The following RRAS2 variants were observed in gnomAD, a reference collection of about 807,000 sequenced individuals.
RRAS2 encodes ras-related protein R-Ras2.
Under a neutral mutation model 27.6 loss-of-function variants are expected in RRAS2, and 7 were observed. That is an observed-to-expected ratio of 0.25 (90% CI 0.14 to 0.48). The LOEUF (loss-of-function observed/expected upper bound fraction) is 0.48, where lower values mean the gene tolerates loss of function less well. Among genes scored for constraint, RRAS2 ranks in the 20% least tolerant of loss-of-function variants. The probability of loss-of-function intolerance (pLI) is 0.99; values close to 1 mark genes in which losing one functional copy is unlikely to be tolerated. For synonymous variants in RRAS2, 86 were observed against 90.9 expected (o/e 0.95, Z 0.31); for missense variants, 178 against 256.2 (o/e 0.69, Z 2.08).
intron 1 of RRAS2, among the ~76,000 whole-genome samples, chr11:14,331,673 TAAAAAAAA>T (rs80130992): frequency 2.5e-5 from 2 of 81,600 alleles, no homozygotes; most frequent in South Asian, 4.0e-4. Context: ...CCCCAACTCT[TAAAAAAAA>T]AAAAAAAAAA....
intron 1 of RRAS2, among the ~76,000 whole-genome samples, chr11:14,317,624 C>T (rs1848138454): frequency 6.6e-6 from 1 of 152,188 alleles, no homozygotes; most frequent in Non-Finnish European, 1.5e-5. Flanking sequence ...TTCATATTGA[C>T]ATTTCACTAA....
rs184246401 is a variant in RRAS2, at chr11:14,348,386, G to C, written c.108+10377C>G. ...ACTACTCTCAAACTTTCACATACTA[G>C]TTTTAACATCCATTTTTACCCACTT... is the stretch of plus-strand genomic sequence containing the variant. On this transcript the variant is annotated intron_variant, in intron 1 of 5. Coordinates refer to ENST00000256196, the MANE Select transcript of RRAS2 (RefSeq NM_012250.6). 2.0e-3 allele frequency among the ~76,000 whole-genome samples: 305 copies of C among 152,174 alleles called. 1 individual carries two copies. Among genetic ancestry groups the C allele is most frequent in the African/African-American group, 7.0e-3 (289 of 41,516 alleles).
In RRAS2 at chr11:14,279,433, T is replaced by TA. The variant is rs782709540; in HGVS notation, c.528-10dup. ...CCTGCTCTTGAAATTTCCTGTAAGA[T>TA]AAAAAATTCTAAAATATAATTGCCT... On this transcript the variant is annotated splice_polypyrimidine_tract_variant and intron_variant, in intron 5 of 5. Coordinates refer to ENST00000256196, the MANE Select transcript of RRAS2 (RefSeq NM_012250.6). The TA allele has an allele frequency of 2.5e-6, 4 of 1,575,626 alleles. No homozygotes were observed. Among genetic ancestry groups the TA allele is most frequent in the East Asian group, 2.2e-5 (1 of 44,700 alleles).
chr11:14,295,947 AG>A, intron 1 of RRAS2, 92 bp from the exon 2 acceptor site: 1 of 1,159,422 alleles, frequency 8.6e-7, no homozygotes, highest in Non-Finnish European at 1.2e-6. Flanking sequence ...CCGAGGGAGA[AG>A]GATCACTTGA....
chr11:14,279,592 G>A (rs1340798414), intron 5 of RRAS2, among the ~76,000 whole-genome samples, 168 bp from the exon 6 acceptor site: 7 of 152,056 alleles, frequency 4.6e-5, no homozygotes, highest in Non-Finnish European at 8.8e-5. Context: ...GGGCACAAAC[G>A]CGTCAACACC....
At chr11:14,287,990 T>C (rs1297711194) in intron 4 of RRAS2, among the ~76,000 whole-genome samples, 4 of 152,186 alleles carry the variant, frequency 2.6e-5, no homozygotes, top group Non-Finnish European at 5.9e-5. Flanking sequence ...TTTTGTTTAG[T>C]TTGGTTTTGG....
At chr11:14,295,878 A>C in intron 1 of RRAS2, 23 bp from the exon 2 acceptor site, 2 of 1,604,570 alleles carry the variant, frequency 1.2e-6, no homozygotes, top group Middle Eastern at 4.3e-4. Context: ...AAAAAACTTT[A>C]TTTTAAAATT....
chr11:14,339,605 G>A (rs1436932845), intron 1 of RRAS2, among the ~76,000 whole-genome samples: 10 of 152,054 alleles, frequency 6.6e-5, no homozygotes, highest in Non-Finnish European at 1.5e-4. Flanking sequence ...ATATTTTCAT[G>A]TAATAGCTAC....
chr11:14,325,168 G>C (rs1848324160), intron 1 of RRAS2, among the ~76,000 whole-genome samples: 1 of 152,142 alleles, frequency 6.6e-6, no homozygotes, highest in South Asian at 2.1e-4. Flanking sequence ...AACTTACCCT[G>C]ATGTGAAGCC....
At chr11:14,363,005 T>G (rs2134052230), upstream of RRAS2, among the ~76,000 whole-genome samples, 1 of 152,342 alleles carries the variant, frequency 6.6e-6, no homozygotes, top group South Asian at 2.1e-4. Context: ...CAATTCAAAT[T>G]TTTTGTGTAA....
At chr11:14,322,845 T>A (rs1402925469) in intron 1 of RRAS2, among the ~76,000 whole-genome samples, 1 of 151,882 alleles carries the variant, frequency 6.6e-6, no homozygotes, top group Non-Finnish European at 1.5e-5. Context: ...TGACCATCAA[T>A]CCAATCAAGA....
At chr11:14,332,491 G>C (rs564796350) in intron 1 of RRAS2, among the ~76,000 whole-genome samples, 1 of 152,118 alleles carries the variant, frequency 6.6e-6, no homozygotes, top group South Asian at 2.1e-4. Context: ...AACAGAATGA[G>C]ACCTTGTCTC....
upstream of RRAS2, among the ~76,000 whole-genome samples, chr11:14,363,056 A>G (rs1849210174): frequency 6.6e-6 from 1 of 152,240 alleles, no homozygotes. Context: ...AGGGTATGTC[A>G]CAAATAAATC....
chr11:14,316,992 C>T (rs1848122154), intron 1 of RRAS2, among the ~76,000 whole-genome samples: 1 of 152,108 alleles, frequency 6.6e-6, no homozygotes, highest in African/African-American at 2.4e-5. Flanking sequence ...TTAGAAAATG[C>T]ACCTAATTAC....
At chr11:14,321,884 T>C (rs561136987) in intron 1 of RRAS2, among the ~76,000 whole-genome samples, 2 of 152,302 alleles carry the variant, frequency 1.3e-5, no homozygotes, top group East Asian at 3.9e-4. Context: ...TCTGGTATAA[T>C]TCCTCGTACT....
chr11:14,344,612 A>C (rs1443043971), intron 1 of RRAS2, among the ~76,000 whole-genome samples: 2 of 152,202 alleles, frequency 1.3e-5, no homozygotes, highest in Admixed American at 6.5e-5. Context: ...TGACTACTGA[A>C]ACGTCAACCA....
exon 1 of RRAS2, chr11:14,364,400 TGGA>T: frequency 6.5e-7 from 1 of 1,536,004 alleles, no homozygotes; most frequent in Non-Finnish European, 8.7e-7. Flanking sequence ...CCATGGGTGA[TGGA>T]GGAGCATCAT....
rs1849448968 is a variant in RRAS2, at chr11:14,279,083, G to A, written c.*254C>T. On this transcript the variant is annotated 3_prime_UTR_variant, in exon 6 of 6. Transcript: ENST00000256196. Reference sequence around the variant, plus strand: ...TAAAATGTAAGCACTTAAAAAAAGAGCATGTCTGTGTATATAGACATATAT... The same window carrying A: ...TAAAATGTAAGCACTTAAAAAAAGAACATGTCTGTGTATATAGACATATAT... The A allele has an allele frequency of 6.0e-6, 2 of 331,564 alleles. No homozygotes were observed. Among genetic ancestry groups the A allele is most frequent in the Non-Finnish European group, 5.5e-6 (1 of 181,240 alleles). 20.5% of individuals were successfully genotyped at this position (331,564 alleles called of 1,614,324 possible).
intron 1 of RRAS2, among the ~76,000 whole-genome samples, chr11:14,346,466 A>G (rs1848832746): frequency 6.6e-6 from 1 of 152,246 alleles, no homozygotes; most frequent in Admixed American, 6.5e-5. Context: ...ATTTCTACAG[A>G]AACTTGAGGC....
Sources: gnomAD v4.1 joint callset for allele counts (sites outside exome capture counted in the v4.1 genomes callset) on GRCh38, gnomAD v4.1.1 for gene constraint, MANE v1.5 for transcripts, NCBI Gene and HGNC (gene_info 2026-07-23, HGNC 2026-07-21) for gene names.